Variants in FBXL17 observed in about 807,000 individuals in gnomAD.
FBXL17 encodes the protein F-box and leucine rich repeat protein 17.
In FBXL17, 22 loss-of-function variants were observed where a neutral mutation model predicts 66.2. The observed-to-expected ratio is 0.33, with a 90% CI of 0.24 to 0.47. The LOEUF is 0.47. Ranked by LOEUF, FBXL17 falls within the 20% of genes least tolerant of loss-of-function variation. The pLI is 1.00. For missense variants in FBXL17, 878 were observed against 948.2 expected (o/e 0.93, Z 0.97); for synonymous variants, 474 against 400.5 (o/e 1.18, Z -2.19).
intron 7 of FBXL17, among the ~76,000 whole-genome samples, chr5:108,000,089 G>A (rs749369987): frequency 6.6e-6 from 1 of 152,166 alleles, no homozygotes; most frequent in Non-Finnish European, 1.5e-5. Flanking sequence ...CTGGATTCCT[G>A]TTTTCTTATC....
chr5:108,163,050 T>C (rs1752274172), intron 6 of FBXL17, among the ~76,000 whole-genome samples: 1 of 152,176 alleles, frequency 6.6e-6, no homozygotes, highest in South Asian at 2.1e-4. Flanking sequence ...TATTCTTAAC[T>C]ACATCAGAAA....
intron 6 of FBXL17, among the ~76,000 whole-genome samples, chr5:108,125,468 A>T (rs530500047): frequency 6.6e-6 from 1 of 152,204 alleles, no homozygotes; most frequent in East Asian, 1.9e-4. Flanking sequence ...ACTGAACAAA[A>T]TGGTTAACAC....
At chr5:108,265,436 A>G (rs928276569) in intron 4 of FBXL17, among the ~76,000 whole-genome samples, 3 of 152,176 alleles carry the variant, frequency 2.0e-5, no homozygotes, top group Non-Finnish European at 4.4e-5. Flanking sequence ...TTCCCATAAT[A>G]TTAGATCTAG....
At position 108,088,200 on chromosome 5, in the gene FBXL17, T is replaced by C. The variant is rs1246448196; in HGVS notation, c.1746-67199A>G. On this transcript the variant is annotated intron_variant, in intron 6 of 8. Coordinates refer to ENST00000542267, the MANE Select transcript of FBXL17 (RefSeq NM_001163315.3). Reference sequence around the variant, plus strand: ...TGGGATTGTAGGTTTTCTTTACAACTAATATATTTAAAGGTATAAAGAACT... The same window carrying C: ...TGGGATTGTAGGTTTTCTTTACAACCAATATATTTAAAGGTATAAAGAACT... Among the ~76,000 whole-genome samples, 3 of 152,342 alleles carry C rather than the reference T, an allele frequency of 2.0e-5. No individual in the cohort carries two copies. In the East Asian group the frequency reaches 5.8e-4, roughly 29 times the overall value.
chr5:108,036,935 G>A (rs932124368), intron 6 of FBXL17, among the ~76,000 whole-genome samples: 7 of 152,066 alleles, frequency 4.6e-5, no homozygotes, highest in Non-Finnish European at 8.8e-5. Flanking sequence ...CTTATAGTTA[G>A]GAAGAGAAAT....
intron 6 of FBXL17, among the ~76,000 whole-genome samples, chr5:108,123,142 TG>T (rs1283680392): frequency 6.6e-6 from 1 of 151,236 alleles, no homozygotes; most frequent in African/African-American, 2.4e-5. Flanking sequence ...TGCATGTGCT[TG>T]GGTAAGTTTT....
At chr5:107,915,062 T>C (rs1334034752) in intron 7 of FBXL17, among the ~76,000 whole-genome samples, 1 of 152,156 alleles carries the variant, frequency 6.6e-6, no homozygotes, top group Non-Finnish European at 1.5e-5. Flanking sequence ...TAATAAACTA[T>C]CTTTTGTATA....
chr5:108,288,829 T>C (rs968744753), intron 4 of FBXL17, among the ~76,000 whole-genome samples: 2 of 152,070 alleles, frequency 1.3e-5, no homozygotes, highest in East Asian at 3.9e-4. Flanking sequence ...GTATCTACTC[T>C]TCACTTTAAA....
Position 108,194,028 on chromosome 5 carries a change from C to A in FBXL17, c.1615-7781G>T, listed in dbSNP as rs553979980. ...CCACATCACTAGCCAGATTAATCTT[C>A]TTGAAACAACTTTGATCAAATCTCC... On this transcript the variant is annotated intron_variant, in intron 5 of 8. Coordinates refer to ENST00000542267, the MANE Select transcript of FBXL17 (RefSeq NM_001163315.3). Among the ~76,000 whole-genome samples the A allele has an allele frequency of 2.6e-5, 4 of 152,232 alleles. No individual in the cohort carries two copies. In the East Asian group the frequency reaches 7.7e-4, roughly 29 times the overall value.
chr5:108,365,409 A>G (rs905675734), intron 2 of FBXL17, among the ~76,000 whole-genome samples: 3 of 152,050 alleles, frequency 2.0e-5, no homozygotes, highest in Non-Finnish European at 4.4e-5. Flanking sequence ...CTTACAGGAG[A>G]GGAAGGAAGC....
intron 4 of FBXL17, among the ~76,000 whole-genome samples, chr5:108,270,571 A>G (rs563475401): frequency 6.6e-6 from 1 of 150,708 alleles, no homozygotes; most frequent in Non-Finnish European, 1.5e-5. Flanking sequence ...AAATTTGTCT[A>G]GTAAAACCAA....
intron 6 of FBXL17, among the ~76,000 whole-genome samples, chr5:108,169,666 G>A (rs1384265994): frequency 6.6e-6 from 1 of 152,146 alleles, no homozygotes; most frequent in African/African-American, 2.4e-5. Context: ...AATTCAGTGA[G>A]TGCTGCTTTA....
At chr5:108,180,457 G>C (rs1014514437) in intron 6 of FBXL17, among the ~76,000 whole-genome samples, 1 of 151,916 alleles carries the variant, frequency 6.6e-6, no homozygotes, top group African/African-American at 2.4e-5. Flanking sequence ...AGTGGTCTGA[G>C]ATTGTGCCAC....
intron 7 of FBXL17, among the ~76,000 whole-genome samples, chr5:107,902,340 GATTTA>G (rs1749595065): frequency 6.6e-6 from 1 of 152,084 alleles, no homozygotes; most frequent in African/African-American, 2.4e-5. Flanking sequence ...TCTCTGAAAT[GATTTA>G]ATTTATTGAT....
At chr5:108,310,296 T>C (rs965833198) in intron 4 of FBXL17, among the ~76,000 whole-genome samples, 1 of 152,196 alleles carries the variant, frequency 6.6e-6, no homozygotes, top group Non-Finnish European at 1.5e-5. Flanking sequence ...TATCCACATA[T>C]CCTGACCTTT....
intron 5 of FBXL17, among the ~76,000 whole-genome samples, chr5:108,206,120 T>C (rs1296489780): frequency 6.6e-6 from 1 of 152,168 alleles, no homozygotes; most frequent in Non-Finnish European, 1.5e-5. Flanking sequence ...ATGATGATCA[T>C]TGCCTCGGTC....
chr5:108,087,781 C>T (rs158285), intron 6 of FBXL17, among the ~76,000 whole-genome samples: 24,063 of 152,038 alleles, frequency 0.16, 2,305 homozygotes, highest in South Asian at 0.42. Flanking sequence ...CTTTTCAACC[C>T]TCCTTTGATA....
At chr5:107,905,073 A>G (rs145512190) in intron 7 of FBXL17, among the ~76,000 whole-genome samples, 1 of 152,084 alleles carries the variant, frequency 6.6e-6, no homozygotes, top group African/African-American at 2.4e-5. Flanking sequence ...ATATATATAT[A>G]TGGATTGTGG....
intron 7 of FBXL17, among the ~76,000 whole-genome samples, chr5:107,927,728 A>G (rs918009922): frequency 1.3e-5 from 2 of 151,722 alleles, no homozygotes; most frequent in Admixed American, 6.6e-5. Flanking sequence ...TACAAAGGGG[A>G]AAAAAAATCT....
Sources: gnomAD v4.1 joint callset for allele counts (sites outside exome capture counted in the v4.1 genomes callset) on GRCh38, gnomAD v4.1.1 for gene constraint, MANE v1.5 for transcripts, NCBI Gene and HGNC (gene_info 2026-07-23, HGNC 2026-07-21) for gene names.